Variants in SYNPO observed in about 807,000 individuals in gnomAD.
The protein encoded by SYNPO is synaptopodin.
A neutral mutation model predicts 49.5 loss-of-function variants in SYNPO; 19 were observed. The ratio of observed to expected loss-of-function variants is 0.38; its 90% CI spans 0.27 to 0.56. The LOEUF (loss-of-function observed/expected upper bound fraction) is 0.56. SYNPO is among the 20% of genes least tolerant of loss of function. The pLI is 0.68. For missense variants in SYNPO, 1,131 were observed against 1,248.3 expected (o/e 0.91, Z 1.42); for synonymous variants, 536 against 548.0 (o/e 0.98, Z 0.31).
At chr5:150,647,622 T>C (rs1208782998) in intron 1 of SYNPO, among the ~76,000 whole-genome samples, 1 of 152,196 alleles carries the variant, frequency 6.6e-6, no homozygotes, top group African/African-American at 2.4e-5. Context: ...ACGGTGGGAC[T>C]TCTAGGGTGA....
chr5:150,657,398 G>T lies in SYNPO; in HGVS notation c.*311G>T. 7 of 329,570 alleles carry T rather than the reference G, an allele frequency of 2.1e-5. No homozygotes were observed. Among genetic ancestry groups the T allele is most frequent in the East Asian group, 6.1e-5 (1 of 16,298 alleles). 20.4% of individuals were successfully genotyped at this position (329,570 alleles called of 1,614,324 possible). On this transcript the variant is annotated 3_prime_UTR_variant, in exon 3 of 3. Coordinates refer to ENST00000307662, the MANE Select transcript of SYNPO (RefSeq NM_007286.6). ...CCTTCCCATCAGTACACACACCGAT[G>T]CACACACACTCTCTCTTTCTCTCTC...
At chr5:150,602,231 T>A (rs1056374008) in intron 1 of SYNPO, among the ~76,000 whole-genome samples, 11 of 152,316 alleles carry the variant, frequency 7.2e-5, no homozygotes, top group African/African-American at 2.6e-4. Flanking sequence ...CGCCAGGCTC[T>A]GGGTTCTGGT....
intron 1 of SYNPO, among the ~76,000 whole-genome samples, chr5:150,603,043 G>GTGT (rs1561629816): frequency 6.3e-5 from 6 of 95,826 alleles, no homozygotes; most frequent in African/African-American, 2.2e-4. Context: ...TGTGTGTGTG[G>GTGT]TGTATGCTGT....
intron 1 of SYNPO, among the ~76,000 whole-genome samples, chr5:150,641,688 A>G (rs1022861064): frequency 2.6e-5 from 4 of 152,210 alleles, no homozygotes; most frequent in South Asian, 2.1e-4. Flanking sequence ...TCTGACTCCC[A>G]ACATAGTGAT....
rs750569672 is a variant in SYNPO, at chr5:150,649,247, C to T, written c.972C>T (p.Thr324=). The change falls in exon 2 of 3, where the codon ACC becomes ACT. Residue 324 remains threonine, a synonymous_variant. Transcript: ENST00000307662. The part of the protein sequence containing the change: ...NFTAPPTYTE[T]LSTAPLASWV... Reference sequence around the variant, plus strand: ...CTGCACCCCCCACCTACACTGAGACCTTGTCCACAGCCCCTCTGGCTTCCT... The same window carrying T: ...CTGCACCCCCCACCTACACTGAGACTTTGTCCACAGCCCCTCTGGCTTCCT... 1 of 1,614,186 alleles carries T rather than the reference C, an allele frequency of 6.2e-7. No individual in the cohort carries two copies. Among genetic ancestry groups the T allele is most frequent in the Non-Finnish European group, 8.5e-7 (1 of 1,180,030 alleles).
At chr5:150,644,571 G>A (rs1581503314) in intron 1 of SYNPO, among the ~76,000 whole-genome samples, 1 of 152,190 alleles carries the variant, frequency 6.6e-6, no homozygotes, top group Admixed American at 6.5e-5. Flanking sequence ...TGGCAGTCAG[G>A]CCTTGGCATT....
chr5:150,645,076 C>T (rs972616812), intron 1 of SYNPO, among the ~76,000 whole-genome samples: 9 of 152,158 alleles, frequency 5.9e-5, no homozygotes, highest in African/African-American at 1.9e-4. Context: ...GGCCTCCCTG[C>T]GGGTCCCATG....
chr5:150,638,012 G>A (rs56805281), upstream of SYNPO, among the ~76,000 whole-genome samples: 2,137 of 151,692 alleles, frequency 0.014, 97 homozygotes, highest in East Asian at 0.18. Context: ...TTCACCCCTG[G>A]CCTCTGGGCA....
At chr5:150,653,019 A>T (rs965124930) in intron 2 of SYNPO, 1 of 152,152 alleles carries the variant, frequency 6.6e-6, no homozygotes, top group Non-Finnish European at 1.5e-5. Context: ...TCCAGGTTTG[A>T]CTGTGTTCTA....
rs1307390932 is a variant in SYNPO at position 150,657,452 on chromosome 5, A to T, written c.*365A>T. On this transcript the variant is annotated 3_prime_UTR_variant, in exon 3 of 3. Transcript: ENST00000307662. ...CTCTCTCACACACACACACACACACACACACACACACACACACACACACAC... is the reference window on the plus strand; with the variant it reads ...CTCTCTCACACACACACACACACACTCACACACACACACACACACACACAC... The T allele has an allele frequency of 9.9e-5, 22 of 221,310 alleles. No homozygotes were observed. Among genetic ancestry groups the T allele is most frequent in the African/African-American group, 2.5e-4 (11 of 43,554 alleles). The allele number at this position is 221,310 out of a possible 1,614,324, so 13.7% of individuals were successfully genotyped here. A position where few individuals can be genotyped will look rare whatever the true frequency, so the allele number is the denominator to read the frequency against.
At chr5:150,613,301 G>C (rs747055528) in intron 1 of SYNPO, among the ~76,000 whole-genome samples, 3 of 152,050 alleles carry the variant, frequency 2.0e-5, no homozygotes, top group Non-Finnish European at 4.4e-5. Flanking sequence ...CAGCCAGCAG[G>C]AGAGAGCCTA....
intron 1 of SYNPO, among the ~76,000 whole-genome samples, chr5:150,644,993 G>T (rs375035835): frequency 6.4e-4 from 98 of 152,284 alleles, no homozygotes; most frequent in African/African-American, 2.3e-3. Flanking sequence ...AAGGAGGTTG[G>T]GGCCAGAAAA....
chr5:150,658,000 C>G lies in SYNPO; in HGVS notation c.*913C>G, dbSNP rs1758636381. 2 of 152,336 alleles carry G rather than the reference C, an allele frequency of 1.3e-5. No homozygotes were observed. Among genetic ancestry groups the G allele is most frequent in the Admixed American group, 1.3e-4 (2 of 15,282 alleles). 9.4% of individuals were successfully genotyped at this position (152,336 alleles called of 1,614,324 possible). ...AGCTGAACTGGGGAGAGAAGAGATA[C>G]AGAGCTACCATGTGACTTTACCTGA... On this transcript the variant is annotated 3_prime_UTR_variant, in exon 3 of 3. Transcript: ENST00000307662.
the SYNPO span, among the ~76,000 whole-genome samples, chr5:150,592,410 C>G: frequency 9.2e-5 from 14 of 152,066 alleles, no homozygotes; most frequent in Admixed American, 7.2e-4. Flanking sequence ...TTTAAAGGAA[C>G]AGCTTTCTCA....
At chr5:150,650,460 T>C in intron 2 of SYNPO, 157 bp downstream of exon 2, 1 of 1,522,882 alleles carries the variant, frequency 6.6e-7, no homozygotes, top group South Asian at 1.2e-5. Flanking sequence ...CAAGGTCAGA[T>C]GCGGCCACCA....
At chr5:150,617,356 G>A (rs1581462814) in intron 1 of SYNPO, among the ~76,000 whole-genome samples, 2 of 152,006 alleles carry the variant, frequency 1.3e-5, no homozygotes, top group Admixed American at 6.6e-5. Flanking sequence ...AGTGCAATGG[G>A]GCGATCTCGG....
upstream of SYNPO, among the ~76,000 whole-genome samples, chr5:150,600,277 G>A (rs189954012): frequency 3.3e-5 from 5 of 152,354 alleles, no homozygotes; most frequent in Admixed American, 6.5e-5. Context: ...CCCTGCTGAC[G>A]TCACCCCTGG....
At chr5:150,638,836 T>A (rs1295717576), upstream of SYNPO, among the ~76,000 whole-genome samples, 1 of 152,234 alleles carries the variant, frequency 6.6e-6, no homozygotes, top group Non-Finnish European at 1.5e-5. Context: ...AGGCAGGGTA[T>A]GATGGTTCTT....
the SYNPO span, among the ~76,000 whole-genome samples, chr5:150,588,082 T>C: frequency 2.6e-5 from 4 of 152,204 alleles, no homozygotes; most frequent in African/African-American, 9.7e-5. Context: ...GTGTACAGTA[T>C]GAATTTTTTT....
Sources: gnomAD v4.1 joint callset for allele counts (sites outside exome capture counted in the v4.1 genomes callset) on GRCh38, gnomAD v4.1.1 for gene constraint, MANE v1.5 for transcripts, NCBI Gene and HGNC (gene_info 2026-07-23, HGNC 2026-07-21) for gene names.